The following IMPG2 variants were observed in gnomAD, a reference collection of about 807,000 sequenced individuals.
IMPG2 encodes interphotoreceptor matrix proteoglycan 2.
IMPG2 carries 91 observed loss-of-function variants against 129.2 expected under a neutral mutation model. The observed-to-expected ratio is 0.70, with a 90% CI of 0.59 to 0.84. The LOEUF (loss-of-function observed/expected upper bound fraction) is 0.84, where lower values mean the gene tolerates loss of function less well. IMPG2 is among the 40% of genes least tolerant of loss of function. The pLI is 0.00. For synonymous variants in IMPG2, 510 were observed against 517.7 expected, an observed-to-expected ratio of 0.99 and a Z score of 0.20; for missense variants, 1,430 against 1,461.7, an observed-to-expected ratio of 0.98 and a Z score of 0.35.
chr3:101,267,924 A>G (rs1264249053), intron 8 of IMPG2, among the ~76,000 whole-genome samples: 1 of 152,204 alleles, frequency 6.6e-6, no homozygotes, highest in African/African-American at 2.4e-5. Context: ...TAGTAAGGGT[A>G]TAGGTAAATG....
intron 7 of IMPG2, among the ~76,000 whole-genome samples, chr3:101,273,007 TA>T (rs1706803769): frequency 6.6e-6 from 1 of 152,170 alleles, no homozygotes; most frequent in Non-Finnish European, 1.5e-5. Context: ...AAGTCCTATA[TA>T]GAATTTTCCC....
rs66908707 is a variant in IMPG2, at chr3:101,226,225, T to TTATATATATATATATA, written c.*728_*743dup. ...TAGATTAATGGGAATCTTCTAAACTTTATATATATATATATATATATATAT... is the reference window on the plus strand; with the variant it reads ...TAGATTAATGGGAATCTTCTAAACTTTATATATATATATATATATATATATATATATATATATATAT... On this transcript the variant is annotated 3_prime_UTR_variant, in exon 19 of 19. Transcript: ENST00000193391. The TTATATATATATATATA allele has an allele frequency of 4.9e-5, 5 of 102,898 alleles. No homozygotes were observed. Among genetic ancestry groups the TTATATATATATATATA allele is most frequent in the Admixed American group, 9.8e-5 (1 of 10,168 alleles). 6.4% of individuals were successfully genotyped at this position (102,898 alleles called of 1,614,324 possible).
rs573462192 is a variant in IMPG2, at chr3:101,243,944, T to C, written c.2387A>G (p.Asp796Gly). Reference sequence around the variant, plus strand: ...ACTCTGTGGTGTACTTGCCAATATGTCTCTGGACAATTTCTCTAGGGAAGA... The same window carrying C: ...ACTCTGTGGTGTACTTGCCAATATGCCTCTGGACAATTTCTCTAGGGAAGA... ...RTSSLEKLSRDILASTPQSAD... is the reference protein window; with the variant it reads ...RTSSLEKLSRGILASTPQSAD... Residue 796 changes from aspartate to glycine, a missense_variant, in exon 13 of 19, where the codon GAC (aspartate) becomes GGC (glycine). Physicochemically the swap from Asp to Gly is moderately conservative, Grantham distance 94. Transcript: ENST00000193391. 3 of 1,614,178 alleles carry C rather than the reference T, an allele frequency of 1.9e-6. No homozygotes were observed. Among genetic ancestry groups the C allele is most frequent in the Non-Finnish European group, 2.5e-6 (3 of 1,180,010 alleles).
chr3:101,249,447 C>T (rs1351130913), intron 11 of IMPG2, among the ~76,000 whole-genome samples: 3 of 151,822 alleles, frequency 2.0e-5, no homozygotes, highest in Non-Finnish European at 2.9e-5. Flanking sequence ...AAAATGATAT[C>T]ATTCTGGCTA....
intron 14 of IMPG2, among the ~76,000 whole-genome samples, chr3:101,236,779 C>T (rs1347435124): frequency 1.3e-5 from 2 of 152,198 alleles, no homozygotes; most frequent in Non-Finnish European, 2.9e-5. Flanking sequence ...CGGCCATTTG[C>T]ACAGACACCA....
At chr3:101,259,740 G>C (rs1692154138) in intron 9 of IMPG2, among the ~76,000 whole-genome samples, 1 of 152,098 alleles carries the variant, frequency 6.6e-6, no homozygotes, top group African/African-American at 2.4e-5. Flanking sequence ...CTTCTGACCA[G>C]TATATTGGGA....
At chr3:101,238,200 T>C (rs1706368373) in intron 14 of IMPG2, among the ~76,000 whole-genome samples, 1 of 151,930 alleles carries the variant, frequency 6.6e-6, no homozygotes, top group South Asian at 2.1e-4. Flanking sequence ...AAACAAAGCC[T>C]CTGAGAAATG....
intron 4 of IMPG2, among the ~76,000 whole-genome samples, chr3:101,280,951 A>C (rs908156979): frequency 2.6e-5 from 4 of 151,978 alleles, no homozygotes; most frequent in Non-Finnish European, 5.9e-5. Flanking sequence ...TGTTGCAAAA[A>C]AAAAAAATTA....
At chr3:101,229,221 A>G (rs1706255784) in intron 17 of IMPG2, among the ~76,000 whole-genome samples, 159 bp downstream of exon 17, 1 of 151,946 alleles carries the variant, frequency 6.6e-6, no homozygotes, top group African/African-American at 2.4e-5. Context: ...AGACTAGGAG[A>G]TACGAGGTAA....
At chr3:101,317,842 T>C (rs1400305831) in intron 2 of IMPG2, among the ~76,000 whole-genome samples, 4 of 152,166 alleles carry the variant, frequency 2.6e-5, no homozygotes, top group Non-Finnish European at 5.9e-5. Context: ...TCAAAAGGTA[T>C]GACCAAATCC....
intron 3 of IMPG2, among the ~76,000 whole-genome samples, chr3:101,292,753 C>T (rs546238784): frequency 1.6e-4 from 24 of 152,286 alleles, no homozygotes; most frequent in African/African-American, 5.8e-4. Context: ...AAATTGGAGT[C>T]AATCTTCTCA....
intron 9 of IMPG2, among the ~76,000 whole-genome samples, chr3:101,260,881 T>C (rs1706661930): frequency 6.6e-6 from 1 of 152,136 alleles, no homozygotes; most frequent in African/African-American, 2.4e-5. Flanking sequence ...AGCAGTTCAA[T>C]ACATACTTGT....
At chr3:101,264,113 T>C (rs749399392) in intron 9 of IMPG2, among the ~76,000 whole-genome samples, 2 of 151,902 alleles carry the variant, frequency 1.3e-5, no homozygotes, top group Non-Finnish European at 2.9e-5. Context: ...AAAAGAAAAG[T>C]CCAGGACTGG....
intron 4 of IMPG2, among the ~76,000 whole-genome samples, chr3:101,286,029 T>C (rs1297097822): frequency 6.6e-6 from 1 of 152,136 alleles, no homozygotes; most frequent in Non-Finnish European, 1.5e-5. Flanking sequence ...CATTATAGCA[T>C]AGGGGTTGAA....
chr3:101,255,483 C>T (rs1706588530), intron 10 of IMPG2, among the ~76,000 whole-genome samples: 1 of 152,108 alleles, frequency 6.6e-6, no homozygotes, highest in Non-Finnish European at 1.5e-5. Flanking sequence ...TCCTAAGCAA[C>T]CTCTTTGTTT....
intron 7 of IMPG2, among the ~76,000 whole-genome samples, chr3:101,271,080 T>C (rs1236423228): frequency 6.6e-6 from 1 of 151,810 alleles, no homozygotes; most frequent in Non-Finnish European, 1.5e-5. Flanking sequence ...TCTTTGGCTA[T>C]AGTAATGTGC....
intron 9 of IMPG2, among the ~76,000 whole-genome samples, chr3:101,258,640 A>G (rs1706638578): frequency 6.6e-6 from 1 of 152,096 alleles, no homozygotes; most frequent in South Asian, 2.1e-4. Context: ...AACAAACAGC[A>G]CTTGTCTGGG....
intron 4 of IMPG2, among the ~76,000 whole-genome samples, chr3:101,277,812 G>A (rs1357637929): frequency 6.6e-6 from 1 of 152,216 alleles, no homozygotes; most frequent in Non-Finnish European, 1.5e-5. Flanking sequence ...TTAAATTACA[G>A]TAATCTGGGA....
chr3:101,278,342 A>T (rs1221762851), intron 4 of IMPG2, among the ~76,000 whole-genome samples: 2 of 152,190 alleles, frequency 1.3e-5, no homozygotes, highest in African/African-American at 4.8e-5. Flanking sequence ...CAGGTCTGTG[A>T]TGTGCCCAGT....
Sources: gnomAD v4.1 joint callset for allele counts (sites outside exome capture counted in the v4.1 genomes callset) on GRCh38, gnomAD v4.1.1 for gene constraint, MANE v1.5 for transcripts, NCBI Gene and HGNC (gene_info 2026-07-23, HGNC 2026-07-21) for gene names.